SUPT3H: variants seen among roughly 807,000 people sequenced by gnomAD.
The protein encoded by SUPT3H is SPT3 homolog, SAGA and STAGA complex component.
SUPT3H carries 44 observed loss-of-function variants against 44.3 expected under a neutral mutation model. That is an observed-to-expected ratio of 0.99 (90% CI 0.78 to 1.28). The LOEUF (loss-of-function observed/expected upper bound fraction) is 1.28, where lower values mean the gene tolerates loss of function less well. Among genes scored for constraint, SUPT3H ranks in the 50% most tolerant of loss-of-function variants. The pLI, the probability that SUPT3H is intolerant of heterozygous loss-of-function variation, is 0.00. For synonymous variants in SUPT3H, 124 were observed against 125.6 expected (o/e 0.99, Z 0.09); for missense variants, 380 against 387.1 (o/e 0.98, Z 0.15).
chr6:44,843,952 CACACACAT>C (rs1409387420), intron 10 of SUPT3H, among the ~76,000 whole-genome samples: 7 of 149,808 alleles, frequency 4.7e-5, no homozygotes, highest in East Asian at 3.9e-4. Context: ...CACACACACA[CACACACAT>C]GCACAGAAAA....
intron 2 of SUPT3H, among the ~76,000 whole-genome samples, chr6:45,359,610 C>T (rs1300583659): frequency 6.6e-6 from 1 of 152,060 alleles, no homozygotes. Flanking sequence ...TATGAAATAA[C>T]ACAAATACAA....
intron 6 of SUPT3H, among the ~76,000 whole-genome samples, chr6:44,979,544 G>T (rs10948191): frequency 0.36 from 54,174 of 151,576 alleles, 10,507 homozygotes; most frequent in Non-Finnish European, 0.43. Context: ...AGTGTGTGTG[G>T]GGGGGGGAAA....
intron 4 of SUPT3H, among the ~76,000 whole-genome samples, chr6:45,018,295 G>C (rs1784607679): frequency 6.6e-6 from 1 of 152,074 alleles, no homozygotes; most frequent in African/African-American, 2.4e-5. Context: ...TCTGCAAACA[G>C]GGACAATTTG....
At chr6:45,340,298 A>G (rs71566529) in intron 2 of SUPT3H, among the ~76,000 whole-genome samples, 1,635 of 152,264 alleles carry the variant, frequency 0.011, 24 homozygotes, top group Middle Eastern at 0.02. Context: ...AAGTATATCA[A>G]GGAATAAGAT....
chr6:45,114,760 C>T (rs1317489353), intron 2 of SUPT3H, among the ~76,000 whole-genome samples: 2 of 151,994 alleles, frequency 1.3e-5, no homozygotes, highest in African/African-American at 4.8e-5. Flanking sequence ...ATAAACCGTC[C>T]CTATTTGAGG....
In SUPT3H at chr6:44,937,299, C is replaced by G. The variant is rs1369150337; in HGVS notation, c.802-4536G>C. The stretch of plus-strand genomic sequence containing the variant: ...TAGAGGTCAAGAGTTTGAGACCAGC[C>G]TGGCCAACATGGTGAAACCCCGTCT... On this transcript the variant is annotated intron_variant, in intron 9 of 10. Coordinates refer to ENST00000371459, the MANE Select transcript of SUPT3H (RefSeq NM_003599.4). Among the ~76,000 whole-genome samples, 3 of 152,070 alleles carry G rather than the reference C, an allele frequency of 2.0e-5. No homozygotes were observed. The East Asian group carries it at 5.9e-4, about 30-fold the overall frequency.
intron 2 of SUPT3H, among the ~76,000 whole-genome samples, chr6:45,140,358 C>T (rs73738612): frequency 6.6e-6 from 1 of 152,074 alleles, no homozygotes; most frequent in Non-Finnish European, 1.5e-5. Flanking sequence ...AGCCAGAATA[C>T]TTAGCATATT....
intron 1 of SUPT3H, among the ~76,000 whole-genome samples, chr6:45,373,838 C>A (rs1796424126): frequency 6.6e-6 from 1 of 152,128 alleles, no homozygotes; most frequent in African/African-American, 2.4e-5. Context: ...CAGGTGTGAG[C>A]CACCACACCC....
chr6:44,926,438 A>G (rs1005775395), intron 10 of SUPT3H, among the ~76,000 whole-genome samples: 1 of 152,136 alleles, frequency 6.6e-6, no homozygotes, highest in African/African-American at 2.4e-5. Flanking sequence ...CCTGACAAAA[A>G]GTTTTACTGT....
intron 2 of SUPT3H, among the ~76,000 whole-genome samples, chr6:45,311,284 C>T (rs904296230): frequency 6.6e-6 from 1 of 152,098 alleles, no homozygotes; most frequent in African/African-American, 2.4e-5. Flanking sequence ...TGTTAAACAA[C>T]CAAACCTAAG....
intron 10 of SUPT3H, among the ~76,000 whole-genome samples, chr6:44,909,930 A>C (rs770016993): frequency 1.3e-5 from 2 of 152,218 alleles, no homozygotes; most frequent in Non-Finnish European, 2.9e-5. Flanking sequence ...GAGAACTCTC[A>C]CGAATTGCTG....
intron 2 of SUPT3H, among the ~76,000 whole-genome samples, chr6:45,260,600 C>G (rs1288124869): frequency 6.6e-6 from 1 of 152,020 alleles, no homozygotes; most frequent in Non-Finnish European, 1.5e-5. Context: ...CTTTTAATCT[C>G]TACATTTTAA....
intron 2 of SUPT3H, among the ~76,000 whole-genome samples, chr6:45,345,567 A>G (rs1268855077): frequency 2.0e-5 from 3 of 152,162 alleles, no homozygotes; most frequent in Non-Finnish European, 2.9e-5. Flanking sequence ...CATTTTTGGT[A>G]ACTAATTCTC....
At chr6:45,236,434 CT>C (rs1384616982) in intron 2 of SUPT3H, among the ~76,000 whole-genome samples, 1 of 152,038 alleles carries the variant, frequency 6.6e-6, no homozygotes, top group Non-Finnish European at 1.5e-5. Context: ...CCTTTTCACA[CT>C]GATGATGAGG....
chr6:44,961,635 A>C (rs1776038288), intron 7 of SUPT3H, 118 bp downstream of exon 7: 1 of 790,338 alleles, frequency 1.3e-6, no homozygotes, highest in Admixed American at 2.7e-5. Context: ...TATAGCACTT[A>C]CAACTACACA....
At chr6:45,364,049 A>C (rs1745080702) in intron 2 of SUPT3H, among the ~76,000 whole-genome samples, 1 of 151,882 alleles carries the variant, frequency 6.6e-6, no homozygotes, top group East Asian at 1.9e-4. Flanking sequence ...TAGGAAGTGA[A>C]GGTTGCAGTG....
At chr6:45,204,642 G>A (rs1373214310) in intron 2 of SUPT3H, among the ~76,000 whole-genome samples, 1 of 152,094 alleles carries the variant, frequency 6.6e-6, no homozygotes, top group African/African-American at 2.4e-5. Context: ...CATTTGGGGG[G>A]AAAAGTTTGA....
At chr6:44,997,132 T>C (rs1410612095) in intron 6 of SUPT3H, among the ~76,000 whole-genome samples, 2 of 151,812 alleles carry the variant, frequency 1.3e-5, no homozygotes, top group Admixed American at 6.6e-5. Context: ...TCTTCTTTAA[T>C]GAAAATTTCT....
At chr6:45,179,923 A>G (rs954722090) in intron 2 of SUPT3H, among the ~76,000 whole-genome samples, 6 of 152,174 alleles carry the variant, frequency 3.9e-5, no homozygotes, top group African/African-American at 1.2e-4. Context: ...GAGGAAGTCA[A>G]ATTGTCCCTG....
Sources: gnomAD v4.1 joint callset for allele counts (sites outside exome capture counted in the v4.1 genomes callset) on GRCh38, gnomAD v4.1.1 for gene constraint, MANE v1.5 for transcripts, NCBI Gene and HGNC (gene_info 2026-07-23, HGNC 2026-07-21) for gene names.